Variants in ST3GAL4 observed in about 807,000 individuals in gnomAD.
ST3GAL4 encodes ST3 beta-galactoside alpha-2,3-sialyltransferase 4.
ST3GAL4 carries 24 observed loss-of-function variants against 42.6 expected under a neutral mutation model. The observed-to-expected ratio is 0.56, with a 90% CI of 0.41 to 0.79. ST3GAL4 has a LOEUF of 0.79. ST3GAL4 is among the 30% of genes least tolerant of loss of function. The probability of loss-of-function intolerance (pLI) is 0.00; values close to 1 mark genes in which losing one functional copy is unlikely to be tolerated. For missense variants in ST3GAL4, 311 were observed against 430.8 expected (o/e 0.72, Z 2.46); for synonymous variants, 135 against 163.2 (o/e 0.83, Z 1.32).
chr11:126,361,765 G>T (rs1952252223), intron 1 of ST3GAL4, among the ~76,000 whole-genome samples: 1 of 152,136 alleles, frequency 6.6e-6, no homozygotes, highest in Admixed American at 6.5e-5. Flanking sequence ...GGAGCTGTGA[G>T]ATTTGTATTC....
Position 126,409,536 on chromosome 11 carries a change from A to C in ST3GAL4, c.771+125A>C, listed in dbSNP as rs1205112854. 1 of 1,314,300 alleles carries C rather than the reference A, an allele frequency of 7.6e-7. No homozygotes were observed. The highest frequency in any genetic ancestry group is 1.5e-5 in the African/African-American group (1 of 68,416). 81.4% of individuals were successfully genotyped at this position (1,314,300 alleles called of 1,614,324 possible). On this transcript the variant is annotated intron_variant, in intron 9 of 10. Coordinates refer to ENST00000444328, the MANE Select transcript of ST3GAL4 (RefSeq NM_001254757.2). This position sits in a 1 kb window ranked among gnomAD's most constrained non-coding sequence, Gnocchi z 4.9. Reference sequence around the variant, plus strand: ...AGGCGGCGGTTTGCATTTTCCCTCCAGGAACACACCTGTCATTAAAGTTGC... The same window carrying C: ...AGGCGGCGGTTTGCATTTTCCCTCCCGGAACACACCTGTCATTAAAGTTGC...
At chr11:126,371,379 G>A (rs1422359152) in intron 1 of ST3GAL4, among the ~76,000 whole-genome samples, 2 of 151,358 alleles carry the variant, frequency 1.3e-5, no homozygotes, top group Non-Finnish European at 3.0e-5. Context: ...TGGCCAGGCT[G>A]GTCTCAAACT....
Position 126,407,013 on chromosome 11 carries a change from C to A in ST3GAL4, c.172C>A (p.Leu58Ile), listed in dbSNP as rs1273739551. ...TGAGGCAGAGAGCAAGGCCTCTAAG[C>A]TCTTTGGCAAGTAAGTACTTAAGGA... ...QGEAESKASKLFGNYSRDQPI... is the reference protein window; with the variant it reads ...QGEAESKASKIFGNYSRDQPI... Residue 58 changes from leucine to isoleucine, a missense_variant, in exon 4 of 11, where the codon CTC becomes ATC. By Grantham distance (5) the Leu-to-Ile change is conservative. Transcript: ENST00000444328. 16 of 1,613,814 alleles carry A rather than the reference C, an allele frequency of 9.9e-6. No individual in the cohort carries two copies. The highest frequency in any genetic ancestry group is 1.3e-5 in the Non-Finnish European group (15 of 1,179,906).
At chr11:126,382,815 G>A (rs1359179634) in intron 1 of ST3GAL4, among the ~76,000 whole-genome samples, 2 of 152,238 alleles carry the variant, frequency 1.3e-5, no homozygotes, top group Non-Finnish European at 2.9e-5. Flanking sequence ...TGACAGGCGG[G>A]AATCTGTCCC....
At chr11:126,362,868 C>G (rs776209069) in intron 1 of ST3GAL4, among the ~76,000 whole-genome samples, 4 of 152,188 alleles carry the variant, frequency 2.6e-5, no homozygotes, top group African/African-American at 9.7e-5. Flanking sequence ...ATATTGCAAA[C>G]GAGGGAGCAG....
At position 126,409,489 on chromosome 11, in the gene ST3GAL4, C is replaced by A; in HGVS notation, c.771+78C>A. 6.3e-7 allele frequency: 1 copy of A among 1,583,758 alleles called. No homozygotes were observed. Among genetic ancestry groups the A allele is most frequent in the Non-Finnish European group, 8.6e-7 (1 of 1,158,150 alleles). On this transcript the variant is annotated intron_variant, in intron 9 of 10. Transcript: ENST00000444328. This position sits in a 1 kb window ranked among gnomAD's most constrained non-coding sequence, Gnocchi z 4.9. ...GGGATGATCCTATGGGCTTAGGAAGCCCTGGAAGGATCCCATAACAGAGGC... is the reference window on the plus strand; with the variant it reads ...GGGATGATCCTATGGGCTTAGGAAGACCTGGAAGGATCCCATAACAGAGGC...
At chr11:126,385,681 T>C (rs75745843) in intron 1 of ST3GAL4, among the ~76,000 whole-genome samples, 124 of 152,256 alleles carry the variant, frequency 8.1e-4, no homozygotes, top group African/African-American at 2.9e-3. Flanking sequence ...AGTAAGATTA[T>C]GCCAGGAGCT....
In ST3GAL4 at chr11:126,409,182, C is replaced by T; in HGVS notation, c.628-86C>T. On this transcript the variant is annotated intron_variant, in intron 8 of 10. Transcript: ENST00000444328. This position sits in a 1 kb window ranked among gnomAD's most constrained non-coding sequence, Gnocchi z 4.9. Reference sequence around the variant, plus strand: ...AGGCCTCTGCCATCGCTTGGACCCCCTCGCCTCGCTGAGGACCACTGGGTT... The same window carrying T: ...AGGCCTCTGCCATCGCTTGGACCCCTTCGCCTCGCTGAGGACCACTGGGTT... 2 of 1,555,952 alleles carry T rather than the reference C, an allele frequency of 1.3e-6. No homozygotes were observed. Among genetic ancestry groups the T allele is most frequent in the South Asian group, 1.2e-5 (1 of 84,066 alleles).
At chr11:126,412,403 T>G (rs1327126994) in intron 9 of ST3GAL4, among the ~76,000 whole-genome samples, 1 of 152,188 alleles carries the variant, frequency 6.6e-6, no homozygotes, top group Non-Finnish European at 1.5e-5. Context: ...TGAAATTGTG[T>G]GCAAAGCAGG....
Position 126,400,570 on chromosome 11 carries a change from C to G in ST3GAL4, c.-60-5526C>G, listed in dbSNP as rs1953956579. On this transcript the variant is annotated intron_variant, in intron 1 of 10. Coordinates refer to ENST00000444328, the MANE Select transcript of ST3GAL4 (RefSeq NM_001254757.2). The surrounding 1 kb of genome is among the most constrained non-coding windows in gnomAD (Gnocchi z 4.6). ...GATGCGTTTGCAGTTCTCATGGCCG[C>G]AGACTGAAGGGGCCTGGTTACCTAA... Among the ~76,000 whole-genome samples, 1 of 152,182 alleles carries G rather than the reference C, an allele frequency of 6.6e-6. No homozygotes were observed. Among genetic ancestry groups the G allele is most frequent in the Non-Finnish European group, 1.5e-5 (1 of 68,042 alleles).
At chr11:126,385,845 CAAAA>C (rs916410388) in intron 1 of ST3GAL4, among the ~76,000 whole-genome samples, 1 of 142,574 alleles carries the variant, frequency 7.0e-6, no homozygotes, top group African/African-American at 2.6e-5. Flanking sequence ...GACCTTGTCT[CAAAA>C]AAAAAAAGCG....
intron 1 of ST3GAL4, chr11:126,358,464 C>T (rs1397168336): frequency 4.4e-6 from 2 of 455,140 alleles, no homozygotes; most frequent in South Asian, 1.6e-5. Flanking sequence ...TACTGGCTGT[C>T]CCTGGCCTCA....
intron 1 of ST3GAL4, among the ~76,000 whole-genome samples, chr11:126,360,430 G>A (rs139584932): frequency 0.011 from 1,737 of 152,226 alleles, 16 homozygotes; most frequent in Middle Eastern, 0.034. Context: ...TGTTTGTTTT[G>A]TTTTGTTTTT....
At position 126,411,939 on chromosome 11, in the gene ST3GAL4, G is replaced by A. The variant is rs560123872; in HGVS notation, c.772-1566G>A. On this transcript the variant is annotated intron_variant, in intron 9 of 10. Transcript: ENST00000444328. The surrounding 1 kb of genome is among the most constrained non-coding windows in gnomAD (Gnocchi z 6.3). ...ACTGTGCCATATAAAGTAACGTCAC[G>A]TAATCGCATCATATTCACGGGCTCC... is the stretch of plus-strand genomic sequence containing the variant. 2.6e-5 allele frequency among the ~76,000 whole-genome samples: 4 copies of A among 152,264 alleles called. No individual in the cohort carries two copies. Among genetic ancestry groups the A allele is most frequent in the East Asian group, 1.9e-4 (1 of 5,184 alleles).
rs779713776 is a variant in ST3GAL4 at position 126,406,963 on chromosome 11, A to G, written c.122A>G (p.Glu41Gly). Residue 41 changes from glutamate (E) to glycine (G), a missense_variant, in exon 4 of 11, where the codon GAG (glutamate) becomes GGG (glycine). Coordinates refer to ENST00000444328, the MANE Select transcript of ST3GAL4 (RefSeq NM_001254757.2). The surrounding 1 kb of genome is among the most constrained non-coding windows in gnomAD (Gnocchi z 5.4). ...TCCAGTTTTTATTTTCCCATCCCAG[A>G]GAAGAAGGAGCCGTGCCTCCAGGGT... ...YIELFYFPIP[E>G]KKEPCLQGEA... 2 of 1,613,910 alleles carry G rather than the reference A, an allele frequency of 1.2e-6. No homozygotes were observed. The highest frequency in any genetic ancestry group is 4.5e-5 in the East Asian group (2 of 44,866).
rs1402985190 is a variant in ST3GAL4 at position 126,408,096 on chromosome 11, C to T, written c.342-3C>T. ...ACATAGACCACTCCTCTTTCTATGG[C>T]AGCCTCAGGTGCCGCCGCTGTGTGG... On this transcript the variant is annotated splice_region_variant and splice_polypyrimidine_tract_variant and intron_variant, in intron 6 of 10. Transcript: ENST00000444328. The T allele has an allele frequency of 6.2e-7, 1 of 1,613,134 alleles. No homozygotes were observed. The highest frequency in any genetic ancestry group is 1.1e-5 in the South Asian group (1 of 91,040).
At chr11:126,405,083 G>T (rs1954166015) in intron 1 of ST3GAL4, among the ~76,000 whole-genome samples, 1 of 152,254 alleles carries the variant, frequency 6.6e-6, no homozygotes, top group Non-Finnish European at 1.5e-5. Flanking sequence ...GGCTGACCAA[G>T]GTGGTCTGGT....
rs1952438568 is a variant in ST3GAL4, at chr11:126,366,628, C to T, written c.-61+10786C>T. ...GAGTCTGCCTCTCACTCGCTCAGCC[C>T]CTTTAACCCTGCTGGCTCCTAATGA... On this transcript the variant is annotated intron_variant, in intron 1 of 10. Transcript: ENST00000444328. The surrounding 1 kb of genome is among the most constrained non-coding windows in gnomAD (Gnocchi z 4.2). 6.6e-6 allele frequency among the ~76,000 whole-genome samples: 1 copy of T among 152,164 alleles called. No homozygotes were observed. The highest frequency in any genetic ancestry group is 2.4e-5 in the African/African-American group (1 of 41,436).
chr11:126,401,811 G>A (rs1242505349), intron 1 of ST3GAL4, among the ~76,000 whole-genome samples: 1 of 152,086 alleles, frequency 6.6e-6, no homozygotes, highest in Non-Finnish European at 1.5e-5. Flanking sequence ...AGTGGAGGGA[G>A]TGGCATAGGG....
Sources: allele counts gnomAD v4.1 joint callset (sites outside exome capture counted in the v4.1 genomes callset), GRCh38; gene constraint gnomAD v4.1.1; non-coding constraint Gnocchi (gnomAD v3.1); transcripts MANE v1.5; gene names NCBI Gene and HGNC (gene_info 2026-07-23, HGNC 2026-07-21).